The following TRPM3 variants were observed in gnomAD, a reference collection of about 807,000 sequenced individuals.
The protein encoded by TRPM3 is transient receptor potential cation channel subfamily M member 3, also known as long transient receptor potential channel 3.
TRPM3 carries 77 observed loss-of-function variants against 181.2 expected under a neutral mutation model. The observed-to-expected ratio is 0.42, with a 90% CI of 0.35 to 0.51. The LOEUF (loss-of-function observed/expected upper bound fraction) is 0.51. Ranked by LOEUF, TRPM3 falls within the 20% of genes least tolerant of loss-of-function variation. The pLI is 0.01. For synonymous variants in TRPM3, 745 were observed against 796.4 expected (o/e 0.94, Z 1.09); for missense variants, 1,759 against 2,196.7 (o/e 0.80, Z 3.98).
intron 22 of TRPM3, among the ~76,000 whole-genome samples, chr9:70,569,665 T>C (rs2051663616): frequency 6.6e-6 from 1 of 152,144 alleles, no homozygotes; most frequent in African/African-American, 2.4e-5. Context: ...TCTGTCTAGT[T>C]TGTACTTAGT....
At chr9:70,900,403 T>C (rs2096368050) in intron 1 of TRPM3, among the ~76,000 whole-genome samples, 1 of 150,552 alleles carries the variant, frequency 6.6e-6, no homozygotes. Context: ...ATTAAGGAAG[T>C]AAAAAAAATA....
chr9:71,400,743 C>T (rs963207502), intron 1 of TRPM3, among the ~76,000 whole-genome samples: 9 of 150,592 alleles, frequency 6.0e-5, no homozygotes, highest in East Asian at 3.9e-4. Context: ...CAAAAGCAAA[C>T]GGTTTGGTTC....
Position 70,615,343 on chromosome 9 carries a change from A to G in TRPM3, c.2526+565T>C, listed in dbSNP as rs2062624496. On this transcript the variant is annotated intron_variant, in intron 18 of 25. Transcript: ENST00000677713. Reference sequence around the variant, plus strand: ...GTCACGCTGCTCAGGCGGGGGTTGCAAGAAGCTGTCCCATGTCCAGCTGCC... The same window carrying G: ...GTCACGCTGCTCAGGCGGGGGTTGCGAGAAGCTGTCCCATGTCCAGCTGCC... Among the ~76,000 whole-genome samples the G allele has an allele frequency of 2.0e-5, 3 of 152,234 alleles. No individual in the cohort carries two copies. The South Asian group carries it at 6.2e-4, about 31-fold the overall frequency.
chr9:71,060,298 C>G (rs1460013695), intron 1 of TRPM3, among the ~76,000 whole-genome samples: 1 of 152,064 alleles, frequency 6.6e-6, no homozygotes, highest in African/African-American at 2.4e-5. Context: ...CCTCAAAGCT[C>G]CTATCCAGCT....
intron 1 of TRPM3, among the ~76,000 whole-genome samples, chr9:71,316,214 C>T (rs544849126): frequency 1.3e-5 from 2 of 152,256 alleles, no homozygotes; most frequent in East Asian, 3.9e-4. Flanking sequence ...ATCCCAACGT[C>T]TACTTTTCTG....
intron 1 of TRPM3, among the ~76,000 whole-genome samples, chr9:71,274,216 A>G (rs539099863): frequency 6.6e-6 from 1 of 152,314 alleles, no homozygotes; most frequent in African/African-American, 2.4e-5. Flanking sequence ...ACTGACATCT[A>G]TAGTCTCCAA....
In TRPM3 at chr9:70,552,874, T is replaced by C; in HGVS notation, c.3544A>G (p.Ser1182Gly). Residue 1182 changes from serine (S) to glycine (G), a missense_variant, in exon 24 of 26, where the codon AGC (serine) becomes GGC (glycine). Physicochemically the swap from Ser to Gly is moderately conservative, Grantham distance 56. Around this residue, in one of 8 missense-constraint regions of TRPM3, gnomAD observed 96 missense variants for 129.6 expected, o/e 0.74. Coordinates refer to ENST00000677713, the MANE Select transcript of TRPM3 (RefSeq NM_001366145.2). ...CCGTAGTCCCTTTCATCCGGGTCGC[T>C]CTCGTGTTTCCTCCATCGGCAGCAC... ...HLCCRWRKHESDPDERDYGLK... is the reference protein window; with the variant it reads ...HLCCRWRKHEGDPDERDYGLK... 1.2e-6 allele frequency: 2 copies of C among 1,614,128 alleles called. No homozygotes were observed. The highest frequency in any genetic ancestry group is 1.1e-5 in the South Asian group (1 of 91,078).
chr9:71,344,529 G>T (rs2091177035), intron 1 of TRPM3, among the ~76,000 whole-genome samples: 1 of 151,956 alleles, frequency 6.6e-6, no homozygotes, highest in Non-Finnish European at 1.5e-5. Context: ...TAAAAAACAG[G>T]ATATTTGCAT....
intron 6 of TRPM3, among the ~76,000 whole-genome samples, chr9:70,807,834 G>C (rs1423649944): frequency 6.6e-6 from 1 of 152,070 alleles, no homozygotes; most frequent in Non-Finnish European, 1.5e-5. Flanking sequence ...AGGATACCAG[G>C]GTATGAGCTG....
At position 70,555,308 on chromosome 9, in the gene TRPM3, A is replaced by G. The variant is rs545007797; in HGVS notation, c.3224-1998T>C. Among the ~76,000 whole-genome samples, 17 of 152,204 alleles carry G rather than the reference A, an allele frequency of 1.1e-4. No individual in the cohort carries two copies. The South Asian group carries it at 3.5e-3, about 32-fold the overall frequency. On this transcript the variant is annotated intron_variant, in intron 22 of 25. Transcript: ENST00000677713. ...AAGGACTTGGGTAGGTATCTTCCTTACAATCCCAGAGCACCCTCTGCCTGC... is the reference window on the plus strand; with the variant it reads ...AAGGACTTGGGTAGGTATCTTCCTTGCAATCCCAGAGCACCCTCTGCCTGC...
intron 1 of TRPM3, among the ~76,000 whole-genome samples, chr9:70,995,741 C>A (rs901071596): frequency 1.3e-5 from 2 of 152,128 alleles, no homozygotes; most frequent in African/African-American, 4.8e-5. Context: ...ACTCAGCATG[C>A]CAGGCTCTTA....
At chr9:70,755,943 C>G (rs1216748491) in intron 8 of TRPM3, among the ~76,000 whole-genome samples, 1 of 152,094 alleles carries the variant, frequency 6.6e-6, no homozygotes, top group African/African-American at 2.4e-5. Context: ...CAGCTAGCAT[C>G]ATAATAACAG....
At chr9:71,076,271 A>G (rs1431397099) in intron 1 of TRPM3, among the ~76,000 whole-genome samples, 1 of 152,210 alleles carries the variant, frequency 6.6e-6, no homozygotes, top group African/African-American at 2.4e-5. Context: ...GAAAAACGCT[A>G]TGAATCAGGG....
At chr9:70,918,152 T>C (rs1461772964) in intron 1 of TRPM3, among the ~76,000 whole-genome samples, 1 of 152,166 alleles carries the variant, frequency 6.6e-6, no homozygotes, top group African/African-American at 2.4e-5. Flanking sequence ...GCTAAGGAGA[T>C]AGACCCCAAT....
At chr9:71,211,925 T>C (rs2079529433) in intron 1 of TRPM3, among the ~76,000 whole-genome samples, 2 of 152,138 alleles carry the variant, frequency 1.3e-5, no homozygotes, top group South Asian at 4.1e-4. Flanking sequence ...CTTTATACAG[T>C]ATATAGCTTG....
chr9:71,398,940 A>C (rs772060558), intron 1 of TRPM3, among the ~76,000 whole-genome samples: 93 of 152,208 alleles, frequency 6.1e-4, no homozygotes, highest in Non-Finnish European at 1.1e-3. Flanking sequence ...ATTCTTTTTC[A>C]TCTATTAAAG....
intron 1 of TRPM3, among the ~76,000 whole-genome samples, chr9:71,138,496 G>A (rs988997795): frequency 1.3e-5 from 2 of 152,018 alleles, no homozygotes; most frequent in African/African-American, 2.4e-5. Flanking sequence ...GTATATATAT[G>A]AGTTTCTAAT....
At chr9:70,982,950 C>T (rs189553900) in intron 1 of TRPM3, among the ~76,000 whole-genome samples, 121 of 152,258 alleles carry the variant, frequency 7.9e-4, no homozygotes, top group Non-Finnish European at 1.4e-3. Flanking sequence ...CCACCTGCCT[C>T]GGCCTCCCAA....
chr9:70,582,592 A>G (rs1167989708), intron 22 of TRPM3, among the ~76,000 whole-genome samples: 22 of 152,232 alleles, frequency 1.4e-4, no homozygotes, highest in Admixed American at 1.4e-3. Flanking sequence ...GGCCACTAGC[A>G]ACATGCAGCT....
Sources: gnomAD v4.1 joint callset for allele counts (sites outside exome capture counted in the v4.1 genomes callset) on GRCh38, gnomAD v4.1.1 for gene constraint, gnomAD v4.1.1 regional missense constraint, MANE v1.5 for transcripts, NCBI Gene and HGNC (gene_info 2026-07-23, HGNC 2026-07-21) for gene names.